The following TUT4 variants were observed in gnomAD, a reference collection of about 807,000 sequenced individuals.
TUT4 encodes the protein terminal uridylyltransferase 4.
TUT4 carries 36 observed loss-of-function variants against 192.2 expected under a neutral mutation model. The observed-to-expected ratio is 0.19, with a 90% CI of 0.14 to 0.25. The LOEUF (loss-of-function observed/expected upper bound fraction) is 0.25, where lower values mean the gene tolerates loss of function less well. Ranked by LOEUF, TUT4 falls within the 10% of genes least tolerant of loss-of-function variation. The pLI is 1.00. For synonymous variants in TUT4, 618 were observed against 666.0 expected, an observed-to-expected ratio of 0.93 and a Z score of 1.11; for missense variants, 1,493 against 1,957.2, an observed-to-expected ratio of 0.76 and a Z score of 4.47.
At chr1:52,524,757 C>T (rs931167605) in intron 2 of TUT4, among the ~76,000 whole-genome samples, 2 of 151,528 alleles carry the variant, frequency 1.3e-5, no homozygotes, top group Non-Finnish European at 2.9e-5. Context: ...GAGTGGAGAT[C>T]GCACCACTGC....
Position 52,481,443 on chromosome 1 carries a change from T to C in TUT4, c.1828A>G (p.Met610Val). 1 of 1,613,940 alleles carries C rather than the reference T, an allele frequency of 6.2e-7. No homozygotes were observed. Among genetic ancestry groups the C allele is most frequent in the Non-Finnish European group, 8.5e-7 (1 of 1,179,904 alleles). Reference sequence around the variant, plus strand: ...CTTACTTTGCCATGTTTTTCCTTCATGGCATTACTTTGGTTGTCTGTTTCT... The same window carrying C: ...CTTACTTTGCCATGTTTTTCCTTCACGGCATTACTTTGGTTGTCTGTTTCT... Reference protein sequence around the residue: ...KTETDNQSNAMKEKHGKSPLA... With the variant: ...KTETDNQSNAVKEKHGKSPLA... The change falls in exon 11 of 30, where the codon ATG (methionine) becomes GTG (valine). Residue 610 changes from methionine to valine, a missense_variant. Physicochemically the swap from Met to Val is conservative, Grantham distance 21. Coordinates refer to ENST00000257177, the MANE Select transcript of TUT4 (RefSeq NM_001009881.3).
In TUT4 at chr1:52,475,037, G is replaced by A. The variant is rs765761860; in HGVS notation, c.2522C>T (p.Ser841Leu). Residue 841 changes from serine (S) to leucine (L), a missense_variant, in exon 13 of 30, where the codon TCG becomes TTG. Coordinates refer to ENST00000257177, the MANE Select transcript of TUT4 (RefSeq NM_001009881.3). ...SQCNCIDLSK[S>L]PDPDKSTGTD... Reference sequence around the variant, plus strand: ...TCCAGTAGATTTATCTGGGTCAGGCGACTTAGACAAATCAATGCAATTACA... The same window carrying A: ...TCCAGTAGATTTATCTGGGTCAGGCAACTTAGACAAATCAATGCAATTACA... 86 of 1,614,006 alleles carry A rather than the reference G, an allele frequency of 5.3e-5. No homozygotes were observed. Among genetic ancestry groups the A allele is most frequent in the Admixed American group, 2.0e-4 (12 of 59,996 alleles).
intron 4 of TUT4, among the ~76,000 whole-genome samples, chr1:52,504,269 T>A (rs1222050913): frequency 6.6e-6 from 1 of 152,190 alleles, no homozygotes; most frequent in Non-Finnish European, 1.5e-5. Flanking sequence ...TATGAAAGGC[T>A]AACTGGTCTC....
intron 24 of TUT4, 77 bp downstream of exon 24, chr1:52,445,710 C>A: frequency 9.2e-7 from 1 of 1,085,096 alleles, no homozygotes; most frequent in Non-Finnish European, 1.4e-6. Flanking sequence ...TATCTAACAT[C>A]AGTTTGGAAA....
At chr1:52,525,283 T>C (rs190328147) in intron 2 of TUT4, among the ~76,000 whole-genome samples, 8 of 152,334 alleles carry the variant, frequency 5.3e-5, no homozygotes, top group Admixed American at 3.3e-4. Context: ...TGTGTATGTG[T>C]ACGAGCATGT....
chr1:52,448,762 GATTT>G (rs1240533359), intron 20 of TUT4, among the ~76,000 whole-genome samples: 1 of 152,036 alleles, frequency 6.6e-6, no homozygotes, highest in East Asian at 1.9e-4. Context: ...TGTAAACACA[GATTT>G]ATTTGCTAGA....
chr1:52,459,369 G>T (rs1157334190), intron 19 of TUT4, among the ~76,000 whole-genome samples: 1 of 151,280 alleles, frequency 6.6e-6, no homozygotes, highest in Non-Finnish European at 1.5e-5. Context: ...AGGGTGGATT[G>T]CTTGAGCCCA....
chr1:52,526,900 C>G (rs767485732), intron 1 of TUT4, among the ~76,000 whole-genome samples: 5 of 152,082 alleles, frequency 3.3e-5, no homozygotes, highest in Non-Finnish European at 7.4e-5. Flanking sequence ...TGGCGTGCGC[C>G]TGTAATCCCA....
At chr1:52,539,645 C>T (rs542048283) in intron 1 of TUT4, among the ~76,000 whole-genome samples, 1 of 152,106 alleles carries the variant, frequency 6.6e-6, no homozygotes, top group Non-Finnish European at 1.5e-5. Flanking sequence ...AATCACAGCA[C>T]TTTGGGAGGC....
At chr1:52,535,106 T>G (rs917263459) in intron 1 of TUT4, 31 of 152,220 alleles carry the variant, frequency 2.0e-4, no homozygotes, top group African/African-American at 7.5e-4. Context: ...GTCATCTTGT[T>G]GCATAGTCAG....
chr1:52,473,563 T>C (rs1378778971), intron 13 of TUT4, among the ~76,000 whole-genome samples: 2 of 152,190 alleles, frequency 1.3e-5, no homozygotes, highest in Admixed American at 1.3e-4. Flanking sequence ...TATAGCTTTT[T>C]AAATGCTAGC....
intron 1 of TUT4, among the ~76,000 whole-genome samples, chr1:52,551,401 TTAAAAG>T (rs1238879968): frequency 2.0e-5 from 3 of 152,158 alleles, no homozygotes; most frequent in East Asian, 1.9e-4. Context: ...TCTAAGAGTT[TTAAAAG>T]TAAGTTTCTT....
At chr1:52,462,835 T>C (rs1570569862) in intron 16 of TUT4, 1 of 985,336 alleles carries the variant, frequency 1.0e-6, no homozygotes, top group Non-Finnish European at 1.2e-6. Context: ...ATGATAATCA[T>C]AATACATAAT....
At position 52,427,079 on chromosome 1, in the gene TUT4, AAAACT is replaced by A. The variant is rs375304778; in HGVS notation, c.4712-1577_4712-1573del. Reference sequence around the variant, plus strand: ...AGGAACATGGCAGGCTACTAAAGAGAAAACTAAACTCACTACTAGACAGAAAATGA... The same window carrying A: ...AGGAACATGGCAGGCTACTAAAGAGAAAACTCACTACTAGACAGAAAATGA... On this transcript the variant is annotated intron_variant, in intron 28 of 29. Coordinates refer to ENST00000257177, the MANE Select transcript of TUT4 (RefSeq NM_001009881.3). 7.1e-4 allele frequency among the ~76,000 whole-genome samples: 108 copies of A among 152,328 alleles called. No individual in the cohort carries two copies. The Middle Eastern group carries it at 0.014, about 19-fold the overall frequency.
intron 2 of TUT4, among the ~76,000 whole-genome samples, chr1:52,523,922 TA>T (rs1680986006): frequency 1.3e-5 from 2 of 152,144 alleles, no homozygotes; most frequent in African/African-American, 4.8e-5. Flanking sequence ...GATTCAGAAA[TA>T]GGTTCTTTTT....
intron 1 of TUT4, among the ~76,000 whole-genome samples, chr1:52,534,812 G>A (rs1196597152): frequency 3.9e-5 from 6 of 152,176 alleles, no homozygotes; most frequent in African/African-American, 1.4e-4. Context: ...GCAGTGAGCC[G>A]TGATGGCACC....
intron 1 of TUT4, among the ~76,000 whole-genome samples, chr1:52,539,253 C>T (rs1227598003): frequency 6.6e-6 from 1 of 152,098 alleles, no homozygotes; most frequent in Non-Finnish European, 1.5e-5. Context: ...AGTTGAATAT[C>T]ACTAGAAGAT....
intron 4 of TUT4, among the ~76,000 whole-genome samples, chr1:52,503,994 T>C (rs1337725104): frequency 6.6e-6 from 1 of 152,228 alleles, no homozygotes; most frequent in Non-Finnish European, 1.5e-5. Flanking sequence ...TCCAGATCCT[T>C]ATATTCAAAT....
chr1:52,430,270 A>C (rs189463366), intron 28 of TUT4, among the ~76,000 whole-genome samples: 1 of 152,100 alleles, frequency 6.6e-6, no homozygotes, highest in Non-Finnish European at 1.5e-5. Flanking sequence ...ACCATCATTA[A>C]TTTTTTTGGT....
Sources: allele counts gnomAD v4.1 joint callset (sites outside exome capture counted in the v4.1 genomes callset), GRCh38; gene constraint gnomAD v4.1.1; transcripts MANE v1.5; gene names NCBI Gene and HGNC (gene_info 2026-07-23, HGNC 2026-07-21).